PDE4B: variants seen among roughly 807,000 people sequenced by gnomAD.
The protein encoded by PDE4B is 3',5'-cyclic-AMP phosphodiesterase 4B.
PDE4B carries 20 observed loss-of-function variants against 82.2 expected under a neutral mutation model. That is an observed-to-expected ratio of 0.24 (90% CI 0.17 to 0.35). The LOEUF (loss-of-function observed/expected upper bound fraction) is 0.35, where lower values mean the gene tolerates loss of function less well. Among genes scored for constraint, PDE4B ranks in the 10% least tolerant of loss-of-function variants. The pLI, the probability that PDE4B is intolerant of heterozygous loss-of-function variation, is 1.00. For synonymous variants in PDE4B, 320 were observed against 318.9 expected, an observed-to-expected ratio of 1.00 and a Z score of -0.04; for missense variants, 655 against 907.2, an observed-to-expected ratio of 0.72 and a Z score of 3.57.
chr1:66,126,528 G>A (rs779987237), intron 3 of PDE4B, among the ~76,000 whole-genome samples: 5 of 152,020 alleles, frequency 3.3e-5, no homozygotes, highest in African/African-American at 4.8e-5. Context: ...AGAAAACCTA[G>A]AACAAAAAGT....
At chr1:65,957,540 C>G (rs1029571919) in intron 3 of PDE4B, among the ~76,000 whole-genome samples, 1 of 152,076 alleles carries the variant, frequency 6.6e-6, no homozygotes, top group Non-Finnish European at 1.5e-5. Flanking sequence ...CTGTACTCAT[C>G]ATGTAAATTT....
intron 3 of PDE4B, among the ~76,000 whole-genome samples, chr1:66,187,131 A>G (rs1189939590): frequency 6.6e-6 from 1 of 152,212 alleles, no homozygotes; most frequent in Non-Finnish European, 1.5e-5. Flanking sequence ...ATGCTGGATT[A>G]CGTTTATTGA....
chr1:66,270,778 GA>G (rs1291296417), intron 7 of PDE4B, among the ~76,000 whole-genome samples: 1 of 151,228 alleles, frequency 6.6e-6, no homozygotes. Context: ...GGAATTATAA[GA>G]AAAAAGAAAA....
Position 66,361,803 on chromosome 1 carries a change from A to C in PDE4B, c.1020+10A>C. 2 of 1,604,060 alleles carry C rather than the reference A, an allele frequency of 1.2e-6. No individual in the cohort carries two copies. The highest frequency in any genetic ancestry group is 1.3e-5 in the African/African-American group (1 of 74,606). Reference sequence around the variant, plus strand: ...AGATCACCTGGCCAAGGTGTGTATAAGCTCAGGTTTTGTGCATGTAGCTCT... The same window carrying C: ...AGATCACCTGGCCAAGGTGTGTATACGCTCAGGTTTTGTGCATGTAGCTCT... On this transcript the variant is annotated intron_variant, in intron 10 of 16. Transcript: ENST00000341517.
intron 3 of PDE4B, among the ~76,000 whole-genome samples, chr1:65,972,972 G>A (rs2503207): frequency 0.63 from 96,379 of 152,018 alleles, 30,642 homozygotes; most frequent in African/African-American, 0.65. Context: ...TTTTTTGATT[G>A]CATTTAGGTA....
intron 13 of PDE4B, among the ~76,000 whole-genome samples, chr1:66,366,262 A>C (rs1225479268): frequency 6.6e-6 from 1 of 152,158 alleles, no homozygotes; most frequent in Non-Finnish European, 1.5e-5. Flanking sequence ...AAGGGTCATT[A>C]AAAGTTCCAT....
intron 7 of PDE4B, among the ~76,000 whole-genome samples, chr1:66,288,041 G>A (rs1286204858): frequency 6.6e-6 from 1 of 152,032 alleles, no homozygotes; most frequent in Non-Finnish European, 1.5e-5. Context: ...CCAAAGGTTA[G>A]GTAATTTATA....
At chr1:66,017,013 A>G (rs1652816859) in intron 3 of PDE4B, among the ~76,000 whole-genome samples, 1 of 152,172 alleles carries the variant, frequency 6.6e-6, no homozygotes, top group Non-Finnish European at 1.5e-5. Context: ...TGGGTGGGAT[A>G]AGGAGCAGAA....
intron 3 of PDE4B, among the ~76,000 whole-genome samples, chr1:66,041,600 G>A (rs978233051): frequency 1.1e-4 from 16 of 151,774 alleles, no homozygotes; most frequent in South Asian, 2.1e-4. Context: ...TTCTCAAGAC[G>A]GGGCTCAATG....
At chr1:66,103,982 C>A (rs1235989635) in intron 3 of PDE4B, among the ~76,000 whole-genome samples, 1 of 151,928 alleles carries the variant, frequency 6.6e-6, no homozygotes, top group Non-Finnish European at 1.5e-5. Flanking sequence ...TACATGTGCA[C>A]AATGTGCAGG....
intron 3 of PDE4B, among the ~76,000 whole-genome samples, chr1:65,923,115 T>C (rs1647311233): frequency 6.6e-6 from 1 of 152,188 alleles, no homozygotes; most frequent in African/African-American, 2.4e-5. Flanking sequence ...TCTCATTTTG[T>C]TAGCAGGACC....
At chr1:66,107,852 G>C (rs1328847494) in intron 3 of PDE4B, among the ~76,000 whole-genome samples, 1 of 151,856 alleles carries the variant, frequency 6.6e-6, no homozygotes, top group African/African-American at 2.4e-5. Context: ...TAGCCTTATT[G>C]ATGCCAAGTA....
intron 3 of PDE4B, among the ~76,000 whole-genome samples, chr1:65,998,683 C>G (rs761595526): frequency 6.6e-6 from 1 of 152,046 alleles, no homozygotes; most frequent in Non-Finnish European, 1.5e-5. Flanking sequence ...CTTGGTGTCT[C>G]TTGCATTTAT....
At chr1:66,011,368 A>T (rs1462789371) in intron 3 of PDE4B, among the ~76,000 whole-genome samples, 9 of 152,068 alleles carry the variant, frequency 5.9e-5, no homozygotes, top group Non-Finnish European at 2.9e-5. Context: ...GCTTGTCACT[A>T]ATACGTAGTG....
At chr1:66,369,309 C>T (rs1354171707) in intron 16 of PDE4B, among the ~76,000 whole-genome samples, 1 of 152,202 alleles carries the variant, frequency 6.6e-6, no homozygotes, top group Admixed American at 6.5e-5. Context: ...GCTCTGTCTT[C>T]ATTCAAGAAC....
chr1:65,914,112 G>A (rs568482286), intron 2 of PDE4B, among the ~76,000 whole-genome samples: 5 of 151,966 alleles, frequency 3.3e-5, no homozygotes, highest in Non-Finnish European at 7.4e-5. Context: ...ATTATGTGCC[G>A]CTGATCAGAT....
intron 3 of PDE4B, among the ~76,000 whole-genome samples, chr1:66,169,852 G>A (rs939925024): frequency 2.6e-5 from 4 of 152,124 alleles, no homozygotes; most frequent in African/African-American, 7.2e-5. Flanking sequence ...AATCCTACAC[G>A]CATCATGGGA....
At chr1:66,107,226 G>T (rs925595653) in intron 3 of PDE4B, among the ~76,000 whole-genome samples, 2 of 152,014 alleles carry the variant, frequency 1.3e-5, no homozygotes, top group African/African-American at 2.4e-5. Flanking sequence ...AGTTTGTTCA[G>T]TTTCCATGTA....
At chr1:66,004,228 A>G (rs2100718327) in intron 3 of PDE4B, among the ~76,000 whole-genome samples, 1 of 152,314 alleles carries the variant, frequency 6.6e-6, no homozygotes, top group Non-Finnish European at 1.5e-5. Flanking sequence ...TCACTAATGT[A>G]TCGAGAGCTT....
Sources: allele counts gnomAD v4.1 joint callset (sites outside exome capture counted in the v4.1 genomes callset), GRCh38; gene constraint gnomAD v4.1.1; transcripts MANE v1.5; gene names NCBI Gene and HGNC (gene_info 2026-07-23, HGNC 2026-07-21).